Variants in CLCA2 observed in about 807,000 individuals in gnomAD.
CLCA2 encodes the protein calcium-activated chloride channel regulator 2.
CLCA2 carries 85 observed loss-of-function variants against 82.9 expected under a neutral mutation model. The ratio of observed to expected loss-of-function variants is 1.03; its 90% CI spans 0.86 to 1.23. CLCA2 has a LOEUF of 1.23. Among genes scored for constraint, CLCA2 ranks in the 50% most tolerant of loss-of-function variants. The probability of loss-of-function intolerance (pLI) is 0.00; values close to 1 mark genes in which losing one functional copy is unlikely to be tolerated. For missense variants in CLCA2, 1,089 were observed against 1,124.8 expected (o/e 0.97, Z 0.45); for synonymous variants, 421 against 391.7 (o/e 1.07, Z -0.88).
rs1048450349 is a variant in CLCA2 at position 86,455,088 on chromosome 1, C to T, written c.2393C>T (p.Thr798Ile). The change falls in exon 14 of 14, where the codon ACA becomes ATA. Residue 798 changes from threonine (T) to isoleucine (I), a missense_variant. By Grantham distance (89) the Thr-to-Ile change is moderately conservative (BLOSUM62 -1). Transcript: ENST00000370565. ...PGEDFDQGQA[T>I]SYEIRMSKSL... The stretch of plus-strand genomic sequence containing the variant: ...TATTTATATTTTTTAATTTCAGCTA[C>T]AAGCTATGAAATAAGAATGAGTAAA... 2 of 1,493,040 alleles carry T rather than the reference C, an allele frequency of 1.3e-6. No homozygotes were observed. The highest frequency in any genetic ancestry group is 9.0e-7 in the Non-Finnish European group (1 of 1,112,900). 92.5% of individuals were successfully genotyped at this position (1,493,040 alleles called of 1,614,324 possible).
At chr1:86,442,156 G>A (rs913621112) in intron 9 of CLCA2, among the ~76,000 whole-genome samples, 11 of 152,162 alleles carry the variant, frequency 7.2e-5, no homozygotes, top group African/African-American at 2.4e-4. Flanking sequence ...CAGATGGCAA[G>A]TGTGCCTGCC....
chr1:86,444,362 A>G (rs914309055), intron 10 of CLCA2, among the ~76,000 whole-genome samples: 2 of 152,332 alleles, frequency 1.3e-5, no homozygotes, highest in Middle Eastern at 3.4e-3. Flanking sequence ...TAATATGAAT[A>G]CATGCAATGC....
In CLCA2 at chr1:86,440,193, T is replaced by G; in HGVS notation, c.1249T>G (p.Leu417Val). The change falls in exon 8 of 14, where the codon TTA becomes GTA. Residue 417 changes from leucine to valine, a missense_variant. By Grantham distance (32) the Leu-to-Val change is conservative (BLOSUM62 1). Coordinates refer to ENST00000370565, the MANE Select transcript of CLCA2 (RefSeq NM_006536.7). ...NGKAYGSVMI[L>V]VTSGDDKLLG... ...AAAAGCTTATGGCTCTGTGATGATA[T>G]TAGTGACCAGCGGAGATGATAAGCT... 1 of 1,614,152 alleles carries G rather than the reference T, an allele frequency of 6.2e-7. No individual in the cohort carries two copies. The highest frequency in any genetic ancestry group is 8.5e-7 in the Non-Finnish European group (1 of 1,179,986).
At position 86,424,262 on chromosome 1, in the gene CLCA2, C is replaced by G. The variant is rs1238933499; in HGVS notation, c.15C>G (p.Ser5Arg). MTQR[S>R]IAGPICNLKF... is the part of the protein sequence containing the mutation. ...TTCTCTACAACATGACCCAAAGGAG[C>G]ATTGCAGGTCCTATTTGCAACCTGA... is the stretch of plus-strand genomic sequence containing the variant. The change falls in exon 1 of 14, where the codon AGC becomes AGG. Residue 5 changes from serine (S) to arginine (R), a missense_variant. Transcript: ENST00000370565. The G allele has an allele frequency of 2.5e-6, 4 of 1,612,644 alleles. No homozygotes were observed. Among genetic ancestry groups the G allele is most frequent in the Non-Finnish European group, 3.4e-6 (4 of 1,179,502 alleles).
At position 86,440,245 on chromosome 1, in the gene CLCA2, T is replaced by C. The variant is rs2101701932; in HGVS notation, c.1301T>C (p.Leu434Pro). ...CTTGGCAATTGCTTACCCACTGTGCTCAGCAGTGGTTCAACAATTCACTCC... is the reference window on the plus strand; with the variant it reads ...CTTGGCAATTGCTTACCCACTGTGCCCAGCAGTGGTTCAACAATTCACTCC... ...KLLGNCLPTV[L>P]SSGSTIHSIA... The change falls in exon 8 of 14, where the codon CTC (leucine) becomes CCC (proline). Residue 434 changes from leucine to proline, a missense_variant. Physicochemically the swap from Leu to Pro is moderately conservative, Grantham distance 98. Coordinates refer to ENST00000370565, the MANE Select transcript of CLCA2 (RefSeq NM_006536.7). 1 of 1,614,036 alleles carries C rather than the reference T, an allele frequency of 6.2e-7. No individual in the cohort carries two copies. Among genetic ancestry groups the C allele is most frequent in the Non-Finnish European group, 8.5e-7 (1 of 1,179,916 alleles).
rs547013179 is a variant in CLCA2 at position 86,425,576 on chromosome 1, T to C, written c.324+100T>C. On this transcript the variant is annotated intron_variant, in intron 2 of 13. Coordinates refer to ENST00000370565, the MANE Select transcript of CLCA2 (RefSeq NM_006536.7). ...AAGTGAGAAGTTAAGTAAAAACAAA[T>C]CATCAGTATTAACAATGCAAATAAT... The C allele has an allele frequency of 1.6e-5, 16 of 999,696 alleles. No individual in the cohort carries two copies. In the African/African-American group the frequency reaches 2.3e-4, roughly 14 times the overall value. The allele number at this position is 999,696 out of a possible 1,614,324, so 61.9% of individuals were successfully genotyped here.
rs1662433095 is a variant in CLCA2 at position 86,428,516 on chromosome 1, C to T, written c.423C>T (p.Phe141=). 2 of 1,613,596 alleles carry T rather than the reference C, an allele frequency of 1.2e-6. No individual in the cohort carries two copies. Among genetic ancestry groups the T allele is most frequent in the Non-Finnish European group, 1.7e-6 (2 of 1,179,748 alleles). Residue 141 remains phenylalanine, a synonymous_variant, in exon 3 of 14, where the codon TTC becomes TTT. Transcript: ENST00000370565. ...GAAAAGAGGGAAAATACATTCATTT[C>T]ACACCTAATTTCCTACTGAATGATA... The part of the protein sequence containing the change: ...GCGKEGKYIH[F]TPNFLLNDNL...
intron 3 of CLCA2, among the ~76,000 whole-genome samples, chr1:86,429,196 A>G (rs58658794): frequency 0.046 from 6,956 of 152,284 alleles, 216 homozygotes; most frequent in East Asian, 0.1. Flanking sequence ...TGAGGCCACA[A>G]GACTTAAAAA....
intron 3 of CLCA2, 144 bp from the exon 4 acceptor site, chr1:86,430,718 G>A (rs966163101): frequency 2.0e-4 from 137 of 674,412 alleles, no homozygotes; most frequent in Non-Finnish European, 2.6e-4. Flanking sequence ...TAGGGGAGAG[G>A]AAAAGGGGAG....
chr1:86,441,539 T>A lies in CLCA2; in HGVS notation c.1484T>A (p.Ile495Asn). 1 of 1,602,590 alleles carries A rather than the reference T, an allele frequency of 6.2e-7. No individual in the cohort carries two copies. ...ACTGGAGACATTTTCCAGCAACATA[T>A]TCAGGTCAGAATTTTCTCAATGTTA... ...SGTGDIFQQHIQLESTGENVK... is the reference protein window; with the variant it reads ...SGTGDIFQQHNQLESTGENVK... Residue 495 changes from isoleucine (I) to asparagine (N), a missense_variant, in exon 9 of 14, where the codon ATT becomes AAT. Physicochemically the swap from Ile to Asn is moderately radical, Grantham distance 149. Coordinates refer to ENST00000370565, the MANE Select transcript of CLCA2 (RefSeq NM_006536.7).
chr1:86,430,754 G>A (rs1662479779), intron 3 of CLCA2, 108 bp from the exon 4 acceptor site: 1 of 812,738 alleles, frequency 1.2e-6, no homozygotes, highest in Non-Finnish European at 2.1e-6. Context: ...AAACTCTTTG[G>A]TCATTCCAAA....
At chr1:86,450,293 C>T (rs1489959921) in intron 11 of CLCA2, among the ~76,000 whole-genome samples, 1 of 151,938 alleles carries the variant, frequency 6.6e-6, no homozygotes, top group East Asian at 1.9e-4. Context: ...ATGATAAGTA[C>T]AAGAATGTTA....
At position 86,447,397 on chromosome 1, in the gene CLCA2, T is replaced by C. The variant is rs1662873573; in HGVS notation, c.1714-111T>C. ...CATCTTTTTGTAGTATTTTAAAAAG[T>C]GCAACATCAACAAAACAAGAGCAAA... On this transcript the variant is annotated intron_variant, in intron 10 of 13. Coordinates refer to ENST00000370565, the MANE Select transcript of CLCA2 (RefSeq NM_006536.7). 2.7e-6 allele frequency: 3 copies of C among 1,102,398 alleles called. No homozygotes were observed. In the Admixed American group the frequency reaches 6.6e-5, roughly 24 times the overall value. The allele number at this position is 1,102,398 out of a possible 1,614,324, so 68.3% of individuals were successfully genotyped here.
At position 86,434,659 on chromosome 1, in the gene CLCA2, C is replaced by G; in HGVS notation, c.886C>G (p.Leu296Val). The change falls in exon 6 of 14, where the codon CTT (leucine) becomes GTT (valine). Residue 296 changes from leucine to valine, a missense_variant. Physicochemically the swap from Leu to Val is conservative, Grantham distance 32 (BLOSUM62 1). Transcript: ENST00000370565. ...HHSFPMNGTELPPPPTFSLVQ... is the reference protein window; with the variant it reads ...HHSFPMNGTEVPPPPTFSLVQ... ...CAGCTTTCCCATGAATGGGACTGAG[C>G]TTCCACCTCCTCCCACATTCTCGCT... 6.2e-7 allele frequency: 1 copy of G among 1,614,132 alleles called. No individual in the cohort carries two copies. The highest frequency in any genetic ancestry group is 8.5e-7 in the Non-Finnish European group (1 of 1,179,984).
intron 11 of CLCA2, among the ~76,000 whole-genome samples, chr1:86,449,467 C>T: frequency 6.6e-6 from 1 of 152,168 alleles, no homozygotes; most frequent in East Asian, 1.9e-4. Context: ...TTTGTAATTT[C>T]TCAACAAAGA....
At chr1:86,432,179 A>C (rs1257514785) in intron 4 of CLCA2, among the ~76,000 whole-genome samples, 190 bp from the exon 5 acceptor site, 1 of 152,088 alleles carries the variant, frequency 6.6e-6, no homozygotes, top group Non-Finnish European at 1.5e-5. Flanking sequence ...CAGGTGATCC[A>C]CCAGCCTCAG....
intron 7 of CLCA2, among the ~76,000 whole-genome samples, chr1:86,439,339 A>G (rs1045874677): frequency 6.6e-6 from 1 of 152,242 alleles, no homozygotes; most frequent in African/African-American, 2.4e-5. Flanking sequence ...ATACTTGTTG[A>G]CAGAATAAGA....
In CLCA2 at chr1:86,438,941, T is replaced by C. The variant is rs2101700491; in HGVS notation, c.1038T>C (p.His346=). The change falls in exon 7 of 14, where the codon CAT becomes CAC. Residue 346 remains histidine (H), a synonymous_variant. Transcript: ENST00000370565. ...EFYLMQIVEI[H]TFVGIASFDS... ...ATTTGATGCAGATTGTTGAAATTCA[T>C]ACCTTCGTGGGCATTGCCAGTTTCG... The C allele has an allele frequency of 6.2e-7, 1 of 1,614,138 alleles. No individual in the cohort carries two copies.
intron 10 of CLCA2, among the ~76,000 whole-genome samples, chr1:86,445,768 T>A (rs1477508905): frequency 6.6e-6 from 1 of 152,076 alleles, no homozygotes; most frequent in Non-Finnish European, 1.5e-5. Flanking sequence ...CAACCATCTT[T>A]TAATTTATAA....
Sources: allele counts gnomAD v4.1 joint callset (sites outside exome capture counted in the v4.1 genomes callset), GRCh38; gene constraint gnomAD v4.1.1; transcripts MANE v1.5; gene names NCBI Gene and HGNC (gene_info 2026-07-23, HGNC 2026-07-21).